The following TASP1 variants were observed in gnomAD, a reference collection of about 807,000 sequenced individuals.
TASP1 encodes the protein taspase 1, also known as threonine aspartase 1.
TASP1 carries 16 observed loss-of-function variants against 56.6 expected under a neutral mutation model. That is an observed-to-expected ratio of 0.28 (90% CI 0.19 to 0.43). The LOEUF (loss-of-function observed/expected upper bound fraction) is 0.43. Ranked by LOEUF, TASP1 falls within the 20% of genes least tolerant of loss-of-function variation. The pLI, the probability that TASP1 is intolerant of heterozygous loss-of-function variation, is 1.00. For synonymous variants in TASP1, 179 were observed against 184.2 expected (o/e 0.97, Z 0.23); for missense variants, 393 against 511.6 (o/e 0.77, Z 2.24).
rs2049046469 is a variant in TASP1, at chr20:13,630,591, G to A, written c.-74-439C>T. ...TGTAATCCCAGCTACGCAGGAGGCTGAGGCAGAAGAATCACTGAACTCAGG... is the reference window on the plus strand; with the variant it reads ...TGTAATCCCAGCTACGCAGGAGGCTAAGGCAGAAGAATCACTGAACTCAGG... On this transcript the variant is annotated intron_variant, in intron 1 of 13. Transcript: ENST00000337743. Among the ~76,000 whole-genome samples, 3 of 149,958 alleles carry A rather than the reference G, an allele frequency of 2.0e-5. No individual in the cohort carries two copies. The Admixed American group carries it at 2.0e-4, about 10-fold the overall frequency.
intron 10 of TASP1, among the ~76,000 whole-genome samples, chr20:13,524,862 G>A (rs947995830): frequency 3.9e-5 from 6 of 152,128 alleles, no homozygotes; most frequent in Non-Finnish European, 8.8e-5. Flanking sequence ...GGAACTACAT[G>A]TGTTGAGTTA....
the TASP1 span, chr20:13,117,482 T>C: frequency 3.0e-4 from 469 of 1,550,508 alleles, no homozygotes; most frequent in Non-Finnish European, 4.0e-4. Context: ...TTGTTAGTTA[T>C]GAGCATTTCT....
intron 10 of TASP1, among the ~76,000 whole-genome samples, chr20:13,483,770 AC>A (rs754606119): frequency 6.6e-5 from 10 of 152,196 alleles, no homozygotes; most frequent in Admixed American, 2.6e-4. Flanking sequence ...TGTCTAAAAC[AC>A]CAAAAGCAAT....
At chr20:13,115,125 T>C in the TASP1 span, among the ~76,000 whole-genome samples, 1 of 152,236 alleles carries the variant, frequency 6.6e-6, no homozygotes, top group Admixed American at 6.5e-5. Context: ...GTTTTCTGTA[T>C]CATTTTTGGC....
the TASP1 span, among the ~76,000 whole-genome samples, chr20:13,284,382 T>G: frequency 6.6e-6 from 1 of 152,172 alleles, no homozygotes; most frequent in Admixed American, 6.5e-5. Context: ...ATTTCCTCCT[T>G]GAGTTATTTG....
At chr20:13,283,017 T>TC in the TASP1 span, among the ~76,000 whole-genome samples, 5 of 152,134 alleles carry the variant, frequency 3.3e-5, no homozygotes, top group Non-Finnish European at 5.9e-5. Context: ...AACTGAGAAT[T>TC]CCCCTTTTCT....
intron 8 of TASP1, among the ~76,000 whole-genome samples, chr20:13,555,990 T>C (rs1187079751): frequency 6.6e-6 from 1 of 152,156 alleles, no homozygotes; most frequent in Non-Finnish European, 1.5e-5. Context: ...TAAGGGGCTA[T>C]TGGCATCAAG....
rs73268933 is a variant in TASP1, at chr20:13,538,107, A to T, written c.676-3966T>A. ...AACCTCCACCTCCCAGGTTTGAGCG[A>T]TTCTCCTGCCTCAGCTTCCCGAGTA... On this transcript the variant is annotated intron_variant, in intron 8 of 13. Coordinates refer to ENST00000337743, the MANE Select transcript of TASP1 (RefSeq NM_017714.3). Among the ~76,000 whole-genome samples the T allele has an allele frequency of 3.7e-3, 554 of 151,484 alleles. 4 individuals carry two copies. Among genetic ancestry groups the T allele is most frequent in the African/African-American group, 0.013 (520 of 41,234 alleles).
chr20:13,603,457 G>T (rs146493702), intron 4 of TASP1, among the ~76,000 whole-genome samples: 1 of 151,964 alleles, frequency 6.6e-6, no homozygotes, highest in East Asian at 1.9e-4. Context: ...TGGGAGGATC[G>T]ATTGAGCCTA....
At chr20:13,212,718 G>A in the TASP1 span, among the ~76,000 whole-genome samples, 1 of 152,084 alleles carries the variant, frequency 6.6e-6, no homozygotes, top group South Asian at 2.1e-4. Context: ...TAGACCCCAG[G>A]TAAATAAAGG....
At chr20:13,325,982 C>T in the TASP1 span, among the ~76,000 whole-genome samples, 2 of 152,278 alleles carry the variant, frequency 1.3e-5, no homozygotes, top group East Asian at 3.9e-4. Flanking sequence ...ATCTTCCACC[C>T]AACCCTCCCA....
the TASP1 span, among the ~76,000 whole-genome samples, chr20:13,194,708 T>C: frequency 1.3e-5 from 2 of 152,092 alleles, no homozygotes; most frequent in Admixed American, 1.3e-4. Flanking sequence ...TCATATACAT[T>C]TAAAATTTGA....
chr20:13,297,820 C>T, the TASP1 span, among the ~76,000 whole-genome samples: 2 of 152,204 alleles, frequency 1.3e-5, no homozygotes, highest in African/African-American at 2.4e-5. Context: ...AAGAACCAAA[C>T]ACAACCCTTC....
intron 4 of TASP1, among the ~76,000 whole-genome samples, chr20:13,606,545 C>A (rs1437130883): frequency 5.3e-5 from 8 of 152,100 alleles, no homozygotes; most frequent in Non-Finnish European, 1.2e-4. Flanking sequence ...CGGTGGCTCA[C>A]ACCTGTAATC....
the TASP1 span, among the ~76,000 whole-genome samples, chr20:13,310,198 G>C: frequency 5.2e-4 from 79 of 152,256 alleles, 2 homozygotes; most frequent in Middle Eastern, 0.01. Context: ...TACTACAAAG[G>C]TGTAGTAATC....
intron 9 of TASP1, among the ~76,000 whole-genome samples, chr20:13,528,887 T>C (rs559677814): frequency 1.8e-4 from 27 of 152,026 alleles, no homozygotes; most frequent in Non-Finnish European, 3.8e-4. Context: ...GTGTGTCAGA[T>C]CACTTGGGGA....
chr20:13,275,002 C>G, the TASP1 span, among the ~76,000 whole-genome samples: 1 of 152,308 alleles, frequency 6.6e-6, no homozygotes, highest in Admixed American at 6.5e-5. Context: ...ACTTTGGTAT[C>G]CTTGGCTGGG....
At chr20:13,637,544 C>T (rs1201384620) in intron 1 of TASP1, among the ~76,000 whole-genome samples, 1 of 152,218 alleles carries the variant, frequency 6.6e-6, no homozygotes, top group Non-Finnish European at 1.5e-5. Flanking sequence ...CACAATGGAA[C>T]ATTACCCATC....
Position 13,510,925 on chromosome 20 carries a change from G to A in TASP1, c.874+17508C>T, listed in dbSNP as rs924173561. ...CAAGTGTCAAGTTTAGTAGGATACC[G>A]GTGGCCACCACCTACACATCTACTC... On this transcript the variant is annotated intron_variant, in intron 10 of 13. Transcript: ENST00000337743. Among the ~76,000 whole-genome samples, 8 of 152,086 alleles carry A rather than the reference G, an allele frequency of 5.3e-5. No individual in the cohort carries two copies. The South Asian group carries it at 6.2e-4, about 12-fold the overall frequency.
Sources: gnomAD v4.1 joint callset for allele counts (sites outside exome capture counted in the v4.1 genomes callset) on GRCh38, gnomAD v4.1.1 for gene constraint, MANE v1.5 for transcripts, NCBI Gene and HGNC (gene_info 2026-07-23, HGNC 2026-07-21) for gene names.